VWDE: variants seen among roughly 807,000 people sequenced by gnomAD.
VWDE encodes the protein von Willebrand factor D and EGF domain-containing protein.
In VWDE, 207 loss-of-function variants were observed where a neutral mutation model predicts 178.4. The ratio of observed to expected loss-of-function variants is 1.16; its 90% CI spans 1.04 to 1.30. The LOEUF (loss-of-function observed/expected upper bound fraction) is 1.30, where lower values mean the gene tolerates loss of function less well. Among genes scored for constraint, VWDE ranks in the 50% most tolerant of loss-of-function variants. The pLI is 0.00. For missense variants in VWDE, 2,287 were observed against 1,901.3 expected, an observed-to-expected ratio of 1.20 and a Z score of -3.77; for synonymous variants, 738 against 651.4, an observed-to-expected ratio of 1.13 and a Z score of -2.02.
chr7:12,384,768 C>A (rs1478034608), intron 3 of VWDE, among the ~76,000 whole-genome samples: 1 of 152,030 alleles, frequency 6.6e-6, no homozygotes, highest in South Asian at 2.1e-4. Flanking sequence ...TACTTAACAA[C>A]CCAATGTTCT....
intron 27 of VWDE, among the ~76,000 whole-genome samples, chr7:12,335,609 C>A (rs1456333387): frequency 6.6e-6 from 1 of 152,036 alleles, no homozygotes; most frequent in South Asian, 2.1e-4. Context: ...GCGCCTGCCA[C>A]CACGCCTGGC....
At chr7:12,396,991 C>T (rs1210813621) in intron 1 of VWDE, among the ~76,000 whole-genome samples, 1 of 151,628 alleles carries the variant, frequency 6.6e-6, no homozygotes, top group African/African-American at 2.4e-5. Flanking sequence ...GGCCATATGC[C>T]CTAAGCAATC....
rs1241260810 is a variant in VWDE, at chr7:12,333,493, G to A, written c.4730C>T (p.Ser1577Phe). Residue 1577 changes from serine (S) to phenylalanine (F), a missense_variant, in exon 28 of 29, where the codon TCT (serine) becomes TTT (phenylalanine). Transcript: ENST00000275358. ...PNVCSCRTEYSGVKCEKKIQI... is the reference protein window; with the variant it reads ...PNVCSCRTEYFGVKCEKKIQI... ...TATTTTCTTCTCACATTTGACTCCA[G>A]AGTATTCAGTGCGGCAGGAACACAC... The A allele has an allele frequency of 6.5e-7, 1 of 1,550,046 alleles. No homozygotes were observed. The highest frequency in any genetic ancestry group is 2.0e-5 in the Admixed American group (1 of 50,858).
At chr7:12,347,199 G>A (rs1486573950) in intron 19 of VWDE, among the ~76,000 whole-genome samples, 1 of 152,108 alleles carries the variant, frequency 6.6e-6, no homozygotes, top group African/African-American at 2.4e-5. Flanking sequence ...TCTGTACACA[G>A]AAGGGACTCC....
chr7:12,393,546 AAAAACACATAAGG>A (rs1784485515), intron 2 of VWDE, 35 bp downstream of exon 2: 4 of 1,406,698 alleles, frequency 2.8e-6, no homozygotes, highest in Non-Finnish European at 3.8e-6. Context: ...TTCTCATATG[AAAAACACATAAGG>A]AAAATAACAT....
intron 8 of VWDE, 96 bp downstream of exon 8, chr7:12,374,914 A>C: frequency 7.7e-7 from 1 of 1,302,070 alleles, no homozygotes; most frequent in South Asian, 1.6e-5. Context: ...AATTTACCAA[A>C]AAATTTTTTA....
At chr7:12,332,144 T>C (rs1430770003) in intron 28 of VWDE, among the ~76,000 whole-genome samples, 1 of 150,774 alleles carries the variant, frequency 6.6e-6, no homozygotes, top group Non-Finnish European at 1.5e-5. Flanking sequence ...GAAATTTATG[T>C]TTTAACCTAT....
chr7:12,368,691 A>G (rs1402290798), intron 12 of VWDE, among the ~76,000 whole-genome samples: 1 of 152,176 alleles, frequency 6.6e-6, no homozygotes, highest in African/African-American at 2.4e-5. Flanking sequence ...ACACAGGAGC[A>G]ATATGATCTC....
chr7:12,358,108 G>A (rs1782363183), intron 16 of VWDE, among the ~76,000 whole-genome samples: 1 of 152,124 alleles, frequency 6.6e-6, no homozygotes, highest in South Asian at 2.1e-4. Flanking sequence ...TGGGCATGGT[G>A]GCTCACACCT....
At chr7:12,391,844 T>A (rs900588116) in intron 2 of VWDE, among the ~76,000 whole-genome samples, 1 of 152,144 alleles carries the variant, frequency 6.6e-6, no homozygotes, top group Non-Finnish European at 1.5e-5. Context: ...TAAGACATAA[T>A]CTTATATGAT....
chr7:12,343,299 C>T (rs1246714664), intron 21 of VWDE, 121 bp from the exon 22 acceptor site: 1 of 607,584 alleles, frequency 1.6e-6, no homozygotes, highest in Non-Finnish European at 2.7e-6. Flanking sequence ...ATTAAGCTCT[C>T]TTTTACTACA....
Position 12,357,523 on chromosome 7 carries a change from A to G in VWDE, c.3275-8T>C, listed in dbSNP as rs917149845. On this transcript the variant is annotated splice_polypyrimidine_tract_variant and splice_region_variant and intron_variant, in intron 16 of 28. Coordinates refer to ENST00000275358, the MANE Select transcript of VWDE (RefSeq NM_001135924.3). ...TCACTGGGGGCTGGTTGTCTGTAAT[A>G]GAGAAAACACTTAACTTTATACCCG... 2 of 1,551,974 alleles carry G rather than the reference A, an allele frequency of 1.3e-6. No individual in the cohort carries two copies. The highest frequency in any genetic ancestry group is 1.7e-6 in the Non-Finnish European group (2 of 1,146,998).
rs1435093754 is a variant in VWDE at position 12,367,470 on chromosome 7, G to T, written c.2785C>A (p.Leu929Ile). 2 of 1,524,130 alleles carry T rather than the reference G, an allele frequency of 1.3e-6. No homozygotes were observed. Among genetic ancestry groups the T allele is most frequent in the East Asian group, 5.1e-5 (2 of 39,552 alleles). The allele number at this position is 1,524,130 out of a possible 1,614,324, so 94.4% of individuals were successfully genotyped here. A position where few individuals can be genotyped will look rare whatever the true frequency, so the allele number is the denominator to read the frequency against. ...ACATCACAGAATCCAGCATTCCCAA[G>T]CTCTGTAATTTCAGGAGCTTTGTCT... is the stretch of plus-strand genomic sequence containing the variant. Reference protein sequence around the residue: ...SYDKAPEITELGNAGFCDVQK... With the variant: ...SYDKAPEITEIGNAGFCDVQK... Residue 929 changes from leucine to isoleucine, a missense_variant, in exon 13 of 29, where the codon CTT becomes ATT. Transcript: ENST00000275358.
intron 7 of VWDE, among the ~76,000 whole-genome samples, chr7:12,376,564 A>T (rs1039933988): frequency 2.6e-5 from 4 of 152,112 alleles, no homozygotes; most frequent in African/African-American, 9.7e-5. Flanking sequence ...TAACTGAAGA[A>T]AATCTTTGAC....
At chr7:12,376,970 T>C (rs1021841049) in intron 7 of VWDE, among the ~76,000 whole-genome samples, 9 of 152,100 alleles carry the variant, frequency 5.9e-5, no homozygotes, top group African/African-American at 2.2e-4. Context: ...TGAAGGTCTA[T>C]AGATACCTTG....
intron 24 of VWDE, among the ~76,000 whole-genome samples, chr7:12,337,524 C>A (rs1012775955): frequency 1.3e-5 from 2 of 152,058 alleles, no homozygotes; most frequent in African/African-American, 4.8e-5. Flanking sequence ...TTTCATATTA[C>A]AATGAATATA....
rs200814898 is a variant in VWDE, at chr7:12,356,298, A to G, written c.3558T>C (p.Gly1186=). The G allele has an allele frequency of 8.1e-4, 1,257 of 1,551,522 alleles. 1 individual carries two copies. Among genetic ancestry groups the G allele is most frequent in the Non-Finnish European group, 9.2e-4 (1,055 of 1,146,908 alleles). The part of the protein sequence containing the change: ...VTVKSCDCLN[G]GSCVSDRNFS... Reference sequence around the variant, plus strand: ...AGTTCCTATCAGATACACATGATCCACCATTCAAGCAATCACAAGACTTCA... The same window carrying G: ...AGTTCCTATCAGATACACATGATCCGCCATTCAAGCAATCACAAGACTTCA... The change falls in exon 18 of 29, where the codon GGT becomes GGC. Residue 1186 remains glycine (G), a synonymous_variant. Transcript: ENST00000275358.
intron 28 of VWDE, 145 bp from the exon 29 acceptor site, chr7:12,331,342 T>C (rs1780710689): frequency 8.7e-6 from 5 of 571,886 alleles, no homozygotes; most frequent in South Asian, 8.6e-5. Context: ...ACTGTTTTCA[T>C]AAAATTGAAA....
rs776309857 is a variant in VWDE at position 12,373,173 on chromosome 7, C to T, written c.1391G>A (p.Arg464His). ...SMSRDFEVHV[R>H]QWDCRSLHYP... is the part of the protein sequence containing the mutation. Reference sequence around the variant, plus strand: ...GTGAAGGCTTCTGCAGTCCCACTGACGTACATGGACTTCAAAATCACGTGA... The same window carrying T: ...GTGAAGGCTTCTGCAGTCCCACTGATGTACATGGACTTCAAAATCACGTGA... Residue 464 changes from arginine to histidine, a missense_variant, in exon 10 of 29, where the codon CGT becomes CAT. Arg to His is a conservative substitution (Grantham distance 29). Coordinates refer to ENST00000275358, the MANE Select transcript of VWDE (RefSeq NM_001135924.3). 9.7e-6 allele frequency: 15 copies of T among 1,551,174 alleles called. No homozygotes were observed. Among genetic ancestry groups the T allele is most frequent in the Middle Eastern group, 1.7e-4 (1 of 6,014 alleles).
Sources: allele counts gnomAD v4.1 joint callset (sites outside exome capture counted in the v4.1 genomes callset), GRCh38; gene constraint gnomAD v4.1.1; transcripts MANE v1.5; gene names NCBI Gene and HGNC (gene_info 2026-07-23, HGNC 2026-07-21).